The following ARHGAP31 variants were observed in gnomAD, a reference collection of about 807,000 sequenced individuals.
ARHGAP31 encodes rho GTPase-activating protein 31.
ARHGAP31 carries 34 observed loss-of-function variants against 113.9 expected under a neutral mutation model. The ratio of observed to expected loss-of-function variants is 0.30; its 90% CI spans 0.23 to 0.40. ARHGAP31 has a LOEUF of 0.40. ARHGAP31 is among the 10% of genes least tolerant of loss of function. The pLI, the probability that ARHGAP31 is intolerant of heterozygous loss-of-function variation, is 1.00. For synonymous variants in ARHGAP31, 650 were observed against 684.8 expected, an observed-to-expected ratio of 0.95 and a Z score of 0.79; for missense variants, 1,548 against 1,767.1, an observed-to-expected ratio of 0.88 and a Z score of 2.22.
chr3:119,414,322 T>C lies in ARHGAP31; in HGVS notation c.2393T>C (p.Leu798Pro), dbSNP rs749806737. ...CCTCTGGAGGAGTCAACTCCAGTCC[T>C]GCTTTCAAAGGGCGGCCCGGAAAGA... Reference protein sequence around the residue: ...PTPLEESTPVLLSKGGPERED... With the variant: ...PTPLEESTPVPLSKGGPERED... Residue 798 changes from leucine to proline, a missense_variant, in exon 12 of 12, where the codon CTG (leucine) becomes CCG (proline). Coordinates refer to ENST00000264245, the MANE Select transcript of ARHGAP31 (RefSeq NM_020754.4). 2 of 1,614,192 alleles carry C rather than the reference T, an allele frequency of 1.2e-6. No individual in the cohort carries two copies. Among genetic ancestry groups the C allele is most frequent in the South Asian group, 2.2e-5 (2 of 91,084 alleles).
chr3:119,304,422 T>TATGGGAGG (rs1156472342), intron 1 of ARHGAP31, among the ~76,000 whole-genome samples: 1 of 152,092 alleles, frequency 6.6e-6, no homozygotes, highest in Non-Finnish European at 1.5e-5. Context: ...TTATGACAGC[T>TATGGGAGG]ATGGGAGGAT....
At chr3:119,407,857 C>T (rs959297526) in intron 10 of ARHGAP31, among the ~76,000 whole-genome samples, 28 of 152,054 alleles carry the variant, frequency 1.8e-4, no homozygotes, top group African/African-American at 3.4e-4. Flanking sequence ...AGTGGGCCCT[C>T]GACAGTCAAA....
intron 1 of ARHGAP31, among the ~76,000 whole-genome samples, chr3:119,307,286 G>A (rs1169349169): frequency 1.3e-5 from 2 of 152,158 alleles, no homozygotes; most frequent in Admixed American, 6.5e-5. Context: ...GAGCCATTAT[G>A]AGCATTAAAG....
In ARHGAP31 at chr3:119,326,569, C is replaced by T. The variant is rs76742109; in HGVS notation, c.100+31565C>T. ...TATGTTTCAGGGGACCCTGCTGGTC[C>T]AGTATAACTGATGGGGAGAAGTTTT... On this transcript the variant is annotated intron_variant, in intron 1 of 11. Transcript: ENST00000264245. Among the ~76,000 whole-genome samples the T allele has an allele frequency of 4.0e-3, 615 of 152,232 alleles. 2 individuals are homozygous for T. The highest frequency in any genetic ancestry group is 0.014 in the African/African-American group (595 of 41,522).
intron 1 of ARHGAP31, chr3:119,324,908 G>A (rs1384033139): frequency 2.2e-6 from 1 of 456,384 alleles, no homozygotes; most frequent in East Asian, 6.9e-5. Flanking sequence ...CAGCGGAATG[G>A]CTAAATGAAG....
At chr3:119,321,149 T>G (rs1384513445) in intron 1 of ARHGAP31, among the ~76,000 whole-genome samples, 1 of 151,886 alleles carries the variant, frequency 6.6e-6, no homozygotes, top group African/African-American at 2.4e-5. Context: ...CCTCTTTAAC[T>G]TCCATATACC....
rs1180253356 is a variant in ARHGAP31, at chr3:119,417,742, C to T, written c.*1478C>T. ...CAATTATTTATAACTTTCAATGGTTCTTTCCTTTCCAGCTGGCGAGAGAAA... is the reference window on the plus strand; with the variant it reads ...CAATTATTTATAACTTTCAATGGTTTTTTCCTTTCCAGCTGGCGAGAGAAA... On this transcript the variant is annotated 3_prime_UTR_variant, in exon 12 of 12. Transcript: ENST00000264245. The T allele has an allele frequency of 1.3e-5, 2 of 152,086 alleles. No homozygotes were observed. The highest frequency in any genetic ancestry group is 2.9e-5 in the Non-Finnish European group (2 of 68,028). 9.4% of individuals were successfully genotyped at this position (152,086 alleles called of 1,614,324 possible). A position where few individuals can be genotyped will look rare whatever the true frequency, so the allele number is the denominator to read the frequency against.
intron 1 of ARHGAP31, among the ~76,000 whole-genome samples, chr3:119,308,240 G>T (rs190819306): frequency 6.6e-6 from 1 of 152,170 alleles, no homozygotes; most frequent in African/African-American, 2.4e-5. Flanking sequence ...CTGGGTTGTG[G>T]TGTTTGTTGT....
rs10511390 is a variant in ARHGAP31, at chr3:119,401,730, G to C, written c.1070-92G>C. On this transcript the variant is annotated intron_variant, in intron 9 of 11. Coordinates refer to ENST00000264245, the MANE Select transcript of ARHGAP31 (RefSeq NM_020754.4). ...CCTGTTAGAATGCTGTGCCTCTCTA[G>C]TATTCAAATGTCGTGTGCCTGCCCT... 0.38 allele frequency: 444,100 copies of C among 1,162,474 alleles called. 89,017 individuals are homozygous for C. Among genetic ancestry groups the C allele is most frequent in the East Asian group, 0.45 (18,372 of 40,612 alleles). The allele number at this position is 1,162,474 out of a possible 1,614,324, so 72.0% of individuals were successfully genotyped here.
intron 1 of ARHGAP31, among the ~76,000 whole-genome samples, chr3:119,356,494 G>A (rs1028553139): frequency 1.3e-5 from 2 of 151,996 alleles, no homozygotes; most frequent in Admixed American, 6.5e-5. Flanking sequence ...AGCCAGGTGT[G>A]GTGGCACACA....
At chr3:119,389,093 G>A (rs568342661) in intron 6 of ARHGAP31, among the ~76,000 whole-genome samples, 1 of 152,162 alleles carries the variant, frequency 6.6e-6, no homozygotes, top group East Asian at 1.9e-4. Flanking sequence ...CCCAGGAGTC[G>A]GAGGTTGCAG....
intron 1 of ARHGAP31, among the ~76,000 whole-genome samples, chr3:119,306,255 G>C (rs1422141010): frequency 6.6e-6 from 1 of 152,138 alleles, no homozygotes; most frequent in African/African-American, 2.4e-5. Context: ...TGGACATCTA[G>C]TAAAAGTTTT....
intron 1 of ARHGAP31, among the ~76,000 whole-genome samples, chr3:119,311,793 G>T (rs117071038): frequency 2.0e-5 from 3 of 152,216 alleles, no homozygotes; most frequent in African/African-American, 7.2e-5. Context: ...AATCCCATAT[G>T]ATGGACGTAT....
chr3:119,296,364 G>A (rs2079533749), intron 1 of ARHGAP31, among the ~76,000 whole-genome samples: 1 of 152,224 alleles, frequency 6.6e-6, no homozygotes. Context: ...ACCATCTGGA[G>A]AGGTAGATTT....
chr3:119,324,062 C>A (rs1406867428), intron 1 of ARHGAP31, among the ~76,000 whole-genome samples: 2 of 152,184 alleles, frequency 1.3e-5, no homozygotes, highest in Non-Finnish European at 2.9e-5. Context: ...GGGCTCTTGC[C>A]ATCCCTGCCA....
intron 1 of ARHGAP31, among the ~76,000 whole-genome samples, chr3:119,302,338 C>T (rs957055615): frequency 2.6e-5 from 4 of 152,228 alleles, no homozygotes; most frequent in Non-Finnish European, 5.9e-5. Flanking sequence ...AACAAACAGG[C>T]TGACTGTAAT....
chr3:119,357,878 CAT>C (rs1559978444), intron 1 of ARHGAP31, among the ~76,000 whole-genome samples: 1 of 152,216 alleles, frequency 6.6e-6, no homozygotes, highest in African/African-American at 2.4e-5. Flanking sequence ...TTACTTATAA[CAT>C]CACTCTTTAT....
intron 1 of ARHGAP31, among the ~76,000 whole-genome samples, chr3:119,334,742 G>A (rs1314819833): frequency 6.6e-6 from 1 of 152,210 alleles, no homozygotes; most frequent in African/African-American, 2.4e-5. Context: ...ACCAAGCACT[G>A]CACTAAGCAC....
At chr3:119,328,097 G>A (rs1469505627) in intron 1 of ARHGAP31, among the ~76,000 whole-genome samples, 1 of 152,090 alleles carries the variant, frequency 6.6e-6, no homozygotes, top group Non-Finnish European at 1.5e-5. Context: ...TAAAAAATCA[G>A]ATTTAAAAAA....
Sources: gnomAD v4.1 joint callset for allele counts (sites outside exome capture counted in the v4.1 genomes callset) on GRCh38, gnomAD v4.1.1 for gene constraint, MANE v1.5 for transcripts, NCBI Gene and HGNC (gene_info 2026-07-23, HGNC 2026-07-21) for gene names.